Variants in GLB1 observed in about 807,000 individuals in gnomAD.
The protein encoded by GLB1 is galactosidase beta 1.
A neutral mutation model predicts 74.0 loss-of-function variants in GLB1; 56 were observed. The ratio of observed to expected loss-of-function variants is 0.76; its 90% confidence interval spans 0.61 to 0.94. The LOEUF (loss-of-function observed/expected upper bound fraction) is 0.94. Ranked by LOEUF, GLB1 falls within the 40% of genes least tolerant of loss-of-function variation. GLB1 has a pLI of 0.00. For missense variants in GLB1, 787 were observed against 845.5 expected, an observed-to-expected ratio of 0.93 and a Z score of 0.86; for synonymous variants, 323 against 323.6, an observed-to-expected ratio of 1.00 and a Z score of 0.02.
the GLB1 span, among the ~76,000 whole-genome samples, chr3:32,963,120 T>G: frequency 6.6e-6 from 1 of 152,126 alleles, no homozygotes; most frequent in African/African-American, 2.4e-5. Context: ...TCTAGTTTAG[T>G]ATGAGATCAA....
At chr3:33,065,433 CA>C in intron 5 of GLB1, 29 bp downstream of exon 5, 1 of 1,559,794 alleles carries the variant, frequency 6.4e-7, no homozygotes, top group Non-Finnish European at 8.7e-7. Flanking sequence ...ACCCCTCCCC[CA>C]ATCCATCCAT....
chr3:33,037,603 A>C (rs1256946953), intron 10 of GLB1, among the ~76,000 whole-genome samples: 2 of 152,158 alleles, frequency 1.3e-5, no homozygotes, highest in Non-Finnish European at 2.9e-5. Flanking sequence ...TACAGTGCTC[A>C]TGTCACACTC....
the GLB1 span, among the ~76,000 whole-genome samples, chr3:32,971,406 G>C: frequency 6.6e-6 from 1 of 152,178 alleles, no homozygotes; most frequent in Non-Finnish European, 1.5e-5. Flanking sequence ...CAGTGCCCGA[G>C]CTTCCTCCAT....
At chr3:32,997,959 G>C (rs530891187) in intron 15 of GLB1, among the ~76,000 whole-genome samples, 50 of 152,318 alleles carry the variant, frequency 3.3e-4, no homozygotes, top group African/African-American at 1.2e-3. Context: ...TTTGGGGTGA[G>C]GGAGAGGAAG....
intron 9 of GLB1, among the ~76,000 whole-genome samples, chr3:33,050,782 G>A (rs1254658687): frequency 6.6e-6 from 1 of 152,130 alleles, no homozygotes; most frequent in Non-Finnish European, 1.5e-5. Context: ...TATGGTTTGT[G>A]AATTATACCT....
chr3:33,065,443 A>G lies in GLB1; in HGVS notation c.552+20T>C, dbSNP rs1699632223. 1.3e-6 allele frequency: 2 copies of G among 1,566,698 alleles called. No homozygotes were observed. The highest frequency in any genetic ancestry group is 1.7e-6 in the Non-Finnish European group (2 of 1,153,504). On this transcript the variant is annotated intron_variant, in intron 5 of 15. Coordinates refer to ENST00000307363, the MANE Select transcript of GLB1 (RefSeq NM_000404.4). Reference sequence around the variant, plus strand: ...TGGGAACCCCTCCCCCAATCCATCCATGCTCAACTCCAGGGTTACCTGCAC... The same window carrying G: ...TGGGAACCCCTCCCCCAATCCATCCGTGCTCAACTCCAGGGTTACCTGCAC...
chr3:33,067,812 C>CA (rs1162960058), intron 4 of GLB1, among the ~76,000 whole-genome samples: 3 of 152,190 alleles, frequency 2.0e-5, no homozygotes, highest in Non-Finnish European at 4.4e-5. Context: ...ACTAAACTTT[C>CA]AAAAGTATTT....
chr3:32,972,717 A>C, the GLB1 span, among the ~76,000 whole-genome samples: 1 of 152,198 alleles, frequency 6.6e-6, no homozygotes, highest in African/African-American at 2.4e-5. Flanking sequence ...TTCTATTAAC[A>C]CCTCTGTTAT....
intron 11 of GLB1, among the ~76,000 whole-genome samples, chr3:33,023,512 A>G (rs893462663): frequency 6.6e-6 from 1 of 151,898 alleles, no homozygotes; most frequent in African/African-American, 2.4e-5. Flanking sequence ...AAAACTTACG[A>G]TACTATTTTA....
chr3:32,997,413 T>A, intron 15 of GLB1, 69 bp from the exon 16 acceptor site: 5 of 1,599,304 alleles, frequency 3.1e-6, no homozygotes, highest in Non-Finnish European at 3.4e-6. Flanking sequence ...GTGGGGGCCC[T>A]GATGTAGGGC....
Position 33,093,014 on chromosome 3 carries a change from A to G in GLB1, c.75+3997T>C, listed in dbSNP as rs762413581. ...CTACGTTCAAGGGGAAGATCTGCCC[A>G]GCATGTGTGTGCCCAGAAAGGATCA... is the stretch of plus-strand genomic sequence containing the variant. On this transcript the variant is annotated intron_variant, in intron 1 of 15. Coordinates refer to ENST00000307363, the MANE Select transcript of GLB1 (RefSeq NM_000404.4). The surrounding 1 kb of genome is among the most constrained non-coding windows in gnomAD (Gnocchi z 6.0). 3 of 1,614,140 alleles carry G rather than the reference A, an allele frequency of 1.9e-6. No homozygotes were observed. The highest frequency in any genetic ancestry group is 2.2e-5 in the South Asian group (2 of 91,092).
intron 9 of GLB1, among the ~76,000 whole-genome samples, chr3:33,046,675 G>A (rs1274413089): frequency 1.3e-5 from 2 of 152,172 alleles, no homozygotes; most frequent in African/African-American, 2.4e-5. Flanking sequence ...CAGTGGTGAA[G>A]ACACAGATGA....
intron 14 of GLB1, among the ~76,000 whole-genome samples, chr3:33,015,199 A>C (rs1187569413): frequency 6.6e-6 from 1 of 152,154 alleles, no homozygotes; most frequent in Non-Finnish European, 1.5e-5. Context: ...GTGGGATACA[A>C]AGGAATAGTC....
intron 15 of GLB1, among the ~76,000 whole-genome samples, chr3:33,011,653 A>AAG (rs1553605898): frequency 6.7e-5 from 10 of 149,460 alleles, no homozygotes; most frequent in Admixed American, 1.3e-4. Context: ...AAAAAAAAAA[A>AAG]AAAGAAAATA....
chr3:33,078,029 A>G (rs2125562834), intron 1 of GLB1, among the ~76,000 whole-genome samples: 1 of 152,240 alleles, frequency 6.6e-6, no homozygotes, highest in Non-Finnish European at 1.5e-5. Context: ...AATCCTAGAT[A>G]GTTTTTCCTT....
chr3:33,083,870 T>C (rs998849177), intron 1 of GLB1, among the ~76,000 whole-genome samples: 3 of 152,178 alleles, frequency 2.0e-5, no homozygotes, highest in South Asian at 4.1e-4. Flanking sequence ...TAACACAATA[T>C]TGACATCATC....
intron 15 of GLB1, among the ~76,000 whole-genome samples, chr3:33,013,683 G>A (rs1697118109): frequency 1.3e-5 from 2 of 152,268 alleles, no homozygotes; most frequent in Middle Eastern, 3.4e-3. Flanking sequence ...GGGAGCACTG[G>A]GCTTGGCATA....
intron 15 of GLB1, among the ~76,000 whole-genome samples, chr3:33,007,690 TG>T (rs1207378245): frequency 9.2e-5 from 14 of 152,232 alleles, no homozygotes; most frequent in Non-Finnish European, 2.1e-4. Flanking sequence ...TACAAGTGTT[TG>T]AGTGGACATA....
At chr3:32,993,522 ATTTTTTTTTTT>A (rs746774682), downstream of GLB1, among the ~76,000 whole-genome samples, 18 of 62,286 alleles carry the variant, frequency 2.9e-4, no homozygotes, top group East Asian at 6.1e-4. Flanking sequence ...CATCCAGCTA[ATTTTTTTTTTT>A]TTTTTTTTTT....
Sources: gnomAD v4.1 joint callset for allele counts (sites outside exome capture counted in the v4.1 genomes callset) on GRCh38, gnomAD v4.1.1 for gene constraint, Gnocchi (gnomAD v3.1) non-coding constraint, MANE v1.5 for transcripts, NCBI Gene and HGNC (gene_info 2026-07-23, HGNC 2026-07-21) for gene names.